Variants in HS3ST5 observed in about 807,000 individuals in gnomAD.
HS3ST5 encodes the protein heparan sulfate-glucosamine 3-sulfotransferase 5.
A neutral mutation model predicts 25.4 loss-of-function variants in HS3ST5; 10 were observed. The ratio of observed to expected loss-of-function variants is 0.39; its 90% CI spans 0.24 to 0.67. HS3ST5 has a LOEUF of 0.67. Among genes scored for constraint, HS3ST5 ranks in the 30% least tolerant of loss-of-function variants. The pLI is 0.44. For synonymous variants in HS3ST5, 170 were observed against 162.4 expected (o/e 1.05, Z -0.36); for missense variants, 324 against 420.7 (o/e 0.77, Z 2.01).
intron 1 of HS3ST5, among the ~76,000 whole-genome samples, chr6:114,314,963 T>C (rs1198779012): frequency 1.3e-5 from 2 of 152,220 alleles, no homozygotes; most frequent in Non-Finnish European, 2.9e-5. Flanking sequence ...CAAGACATTC[T>C]AGAAGTACAA....
chr6:114,333,796 A>G (rs1246737709), intron 1 of HS3ST5, among the ~76,000 whole-genome samples: 3 of 152,124 alleles, frequency 2.0e-5, no homozygotes, highest in East Asian at 1.9e-4. Context: ...AGGCACATCT[A>G]TCAAGACAAT....
chr6:114,136,001 T>C (rs747522176), intron 3 of HS3ST5, among the ~76,000 whole-genome samples: 1 of 152,242 alleles, frequency 6.6e-6, no homozygotes, highest in Non-Finnish European at 1.5e-5. Context: ...TGTGTTCTGC[T>C]TTATGTCTAG....
Position 114,342,267 on chromosome 6 carries a change from C to A in HS3ST5, c.-411G>T. On this transcript the variant is annotated 5_prime_UTR_variant, in exon 1 of 5. Coordinates refer to ENST00000312719, the MANE Select transcript of HS3ST5 (RefSeq NM_153612.4). Reference sequence around the variant, plus strand: ...GGTCGGCGGCGGGTCGCGTGGGGGTCACCCGGCCGCTGCTGCGGTCCGGAC... The same window carrying A: ...GGTCGGCGGCGGGTCGCGTGGGGGTAACCCGGCCGCTGCTGCGGTCCGGAC... 1 of 148,302 alleles carries A rather than the reference C, an allele frequency of 6.7e-6. No homozygotes were observed. Among genetic ancestry groups the A allele is most frequent in the South Asian group, 1.8e-4 (1 of 5,464 alleles). 9.2% of individuals were successfully genotyped at this position (148,302 alleles called of 1,614,324 possible).
intron 2 of HS3ST5, among the ~76,000 whole-genome samples, chr6:114,205,581 C>G (rs1157835574): frequency 6.6e-6 from 1 of 152,156 alleles, no homozygotes; most frequent in African/African-American, 2.4e-5. Context: ...GATGATTTAA[C>G]TCAATCACCA....
intron 3 of HS3ST5, 52 bp from the exon 4 acceptor site, chr6:114,062,929 T>A: frequency 1.9e-6 from 2 of 1,056,824 alleles, no homozygotes; most frequent in Non-Finnish European, 2.9e-6. Flanking sequence ...CTGTTGGTTG[T>A]CACAGAGCTA....
At chr6:114,259,358 A>T (rs1292273596) in intron 1 of HS3ST5, among the ~76,000 whole-genome samples, 1 of 152,218 alleles carries the variant, frequency 6.6e-6, no homozygotes, top group African/African-American at 2.4e-5. Flanking sequence ...AAATTCTTTT[A>T]ATACTCATGT....
intron 2 of HS3ST5, among the ~76,000 whole-genome samples, chr6:114,170,381 T>G (rs1023479071): frequency 2.6e-5 from 4 of 152,158 alleles, no homozygotes; most frequent in African/African-American, 9.6e-5. Flanking sequence ...TTTTAAAAAT[T>G]TAATCACAAA....
At chr6:114,211,486 A>C (rs1285866668) in intron 2 of HS3ST5, among the ~76,000 whole-genome samples, 1 of 152,226 alleles carries the variant, frequency 6.6e-6, no homozygotes, top group Non-Finnish European at 1.5e-5. Flanking sequence ...ATAAAATTAA[A>C]GATGAAATTA....
rs139035122 is a variant in HS3ST5, at chr6:114,311,653, G to A, written c.-339+30542C>T. 2.2e-4 allele frequency among the ~76,000 whole-genome samples: 31 copies of A among 138,830 alleles called. No homozygotes were observed. The East Asian group carries it at 6.9e-3, about 31-fold the overall frequency. 91.1% of individuals were successfully genotyped at this position (138,830 alleles called of 152,430 possible). The stretch of plus-strand genomic sequence containing the variant: ...CGCCTCCCAGGTTCAAGCAATTCTC[G>A]TGCCTCAGTTTCCTGAGTAGCTGAG... On this transcript the variant is annotated intron_variant, in intron 1 of 4. Coordinates refer to ENST00000312719, the MANE Select transcript of HS3ST5 (RefSeq NM_153612.4).
In HS3ST5 at chr6:114,182,999, C is replaced by A. The variant is rs1582690505; in HGVS notation, c.-144-14537G>T. 7.9e-5 allele frequency among the ~76,000 whole-genome samples: 12 copies of A among 152,156 alleles called. No homozygotes were observed. In the South Asian group the frequency reaches 2.3e-3, roughly 29 times the overall value. On this transcript the variant is annotated intron_variant, in intron 2 of 4. Transcript: ENST00000312719. The stretch of plus-strand genomic sequence containing the variant: ...CTGCTTGAGCTAGGATATTGTTCAT[C>A]TTCTACCCTTGGACTGAGATTTACA...
chr6:114,147,511 A>G (rs1043438299), intron 3 of HS3ST5, among the ~76,000 whole-genome samples: 3 of 152,220 alleles, frequency 2.0e-5, no homozygotes, highest in African/African-American at 7.2e-5. Flanking sequence ...AACCTAGTGC[A>G]GCAGAACCAA....
intron 1 of HS3ST5, among the ~76,000 whole-genome samples, chr6:114,330,929 G>A (rs528615814): frequency 2.6e-5 from 4 of 152,272 alleles, no homozygotes; most frequent in African/African-American, 9.6e-5. Flanking sequence ...ACCATATTTA[G>A]GACTTCATAA....
chr6:114,110,142 G>T (rs1416420395), intron 3 of HS3ST5, among the ~76,000 whole-genome samples: 1 of 152,144 alleles, frequency 6.6e-6, no homozygotes, highest in Non-Finnish European at 1.5e-5. Context: ...CTTTTTGATA[G>T]ATGAGGGCTT....
chr6:114,118,425 C>T (rs1281437178), intron 3 of HS3ST5, among the ~76,000 whole-genome samples: 1 of 152,118 alleles, frequency 6.6e-6, no homozygotes, highest in Non-Finnish European at 1.5e-5. Context: ...CAGTGATTCT[C>T]AAACACTTTA....
chr6:114,231,592 C>A (rs1363735807), intron 1 of HS3ST5, among the ~76,000 whole-genome samples: 1 of 151,988 alleles, frequency 6.6e-6, no homozygotes, highest in East Asian at 1.9e-4. Context: ...CCTTTCTGAA[C>A]GCTCTAGGTG....
At chr6:114,270,082 G>A (rs1003028114) in intron 1 of HS3ST5, among the ~76,000 whole-genome samples, 3 of 152,140 alleles carry the variant, frequency 2.0e-5, no homozygotes, top group Non-Finnish European at 2.9e-5. Flanking sequence ...GTGGCACCAC[G>A]TCGTCTGGCA....
intron 3 of HS3ST5, among the ~76,000 whole-genome samples, chr6:114,064,948 G>A (rs1166260306): frequency 6.6e-6 from 1 of 152,138 alleles, no homozygotes; most frequent in Admixed American, 6.5e-5. Context: ...AGTGAAGGCA[G>A]GCAGGTGTGG....
At chr6:114,199,690 A>G (rs1780922917) in intron 2 of HS3ST5, among the ~76,000 whole-genome samples, 1 of 152,172 alleles carries the variant, frequency 6.6e-6, no homozygotes, top group South Asian at 2.1e-4. Flanking sequence ...CATTGTATTA[A>G]TAAATAATAA....
At chr6:114,256,196 G>A (rs1349929810) in intron 1 of HS3ST5, among the ~76,000 whole-genome samples, 1 of 152,044 alleles carries the variant, frequency 6.6e-6, no homozygotes, top group Non-Finnish European at 1.5e-5. Context: ...AGACCATCTT[G>A]GCTAACACAG....
Sources: allele counts gnomAD v4.1 joint callset (sites outside exome capture counted in the v4.1 genomes callset), GRCh38; gene constraint gnomAD v4.1.1; transcripts MANE v1.5; gene names NCBI Gene and HGNC (gene_info 2026-07-23, HGNC 2026-07-21).